UBR3: variants seen among roughly 807,000 people sequenced by gnomAD.
The protein encoded by UBR3 is E3 ubiquitin-protein ligase UBR3.
UBR3 carries 85 observed loss-of-function variants against 243.2 expected under a neutral mutation model. The ratio of observed to expected loss-of-function variants is 0.35; its 90% CI spans 0.29 to 0.42. The LOEUF (loss-of-function observed/expected upper bound fraction) is 0.42, where lower values mean the gene tolerates loss of function less well. Ranked by LOEUF, UBR3 falls within the 10% of genes least tolerant of loss-of-function variation. The pLI, the probability that UBR3 is intolerant of heterozygous loss-of-function variation, is 1.00. For synonymous variants in UBR3, 748 were observed against 799.8 expected, an observed-to-expected ratio of 0.94 and a Z score of 1.09; for missense variants, 1,686 against 2,300.8, an observed-to-expected ratio of 0.73 and a Z score of 5.47.
chr2:169,988,510 A>G (rs891813439), intron 25 of UBR3, among the ~76,000 whole-genome samples: 1 of 152,226 alleles, frequency 6.6e-6, no homozygotes, highest in Non-Finnish European at 1.5e-5. Flanking sequence ...GAAAAAAATA[A>G]GAAACTAATA....
intron 27 of UBR3, among the ~76,000 whole-genome samples, chr2:170,004,979 TTTG>T (rs2089858192): frequency 1.3e-5 from 2 of 152,142 alleles, no homozygotes; most frequent in Non-Finnish European, 2.9e-5. Context: ...ATCCCAGCAC[TTTG>T]GGAGGCCGAG....
chr2:169,976,023 T>A (rs1009752618), intron 24 of UBR3, among the ~76,000 whole-genome samples: 2 of 150,806 alleles, frequency 1.3e-5, no homozygotes, highest in South Asian at 2.1e-4. Context: ...TTGCTTGAAA[T>A]TTTTTTTTTA....
chr2:169,883,682 C>T (rs1275014700), intron 5 of UBR3, among the ~76,000 whole-genome samples: 1 of 152,108 alleles, frequency 6.6e-6, no homozygotes, highest in Non-Finnish European at 1.5e-5. Context: ...ATTTTAGTGG[C>T]ACTATCTCTT....
chr2:170,064,120 C>T (rs1024477028), intron 35 of UBR3, among the ~76,000 whole-genome samples: 3 of 152,280 alleles, frequency 2.0e-5, no homozygotes, highest in African/African-American at 7.2e-5. Context: ...TTCATATATT[C>T]ATATACTTAG....
At chr2:170,033,622 G>A (rs1417353471) in intron 31 of UBR3, among the ~76,000 whole-genome samples, 1 of 110,392 alleles carries the variant, frequency 9.1e-6, no homozygotes, top group Non-Finnish European at 1.7e-5. Context: ...TTTATGGTTC[G>A]TTTATTCATT....
At chr2:170,031,031 A>G (rs983068291) in intron 31 of UBR3, among the ~76,000 whole-genome samples, 1 of 151,852 alleles carries the variant, frequency 6.6e-6, no homozygotes, top group African/African-American at 2.4e-5. Context: ...CTGGCTTCAA[A>G]TGATCCTCCC....
At chr2:170,078,214 C>T in intron 36 of UBR3, 2 of 496,616 alleles carry the variant, frequency 4.0e-6, no homozygotes, top group Non-Finnish European at 7.6e-6. Context: ...CTCAACTTTC[C>T]TTCTTTCCCT....
At chr2:169,937,974 A>G (rs532456929) in intron 19 of UBR3, among the ~76,000 whole-genome samples, 4 of 152,292 alleles carry the variant, frequency 2.6e-5, no homozygotes, top group African/African-American at 9.6e-5. Context: ...TCTGAGTCAA[A>G]TACTTATATG....
intron 23 of UBR3, among the ~76,000 whole-genome samples, chr2:169,955,307 T>C (rs914239411): frequency 6.6e-6 from 1 of 152,200 alleles, no homozygotes; most frequent in Non-Finnish European, 1.5e-5. Flanking sequence ...TTATATTCAT[T>C]TATTTTTATC....
intron 5 of UBR3, among the ~76,000 whole-genome samples, chr2:169,886,135 C>T (rs1158229149): frequency 6.9e-5 from 10 of 143,918 alleles, no homozygotes; most frequent in African/African-American, 1.5e-4. Flanking sequence ...CCAGCCTGCG[C>T]GACAGAGTGA....
At chr2:169,931,977 GTAAGAAGACAAAT>G (rs2086149874) in intron 18 of UBR3, among the ~76,000 whole-genome samples, 1 of 152,016 alleles carries the variant, frequency 6.6e-6, no homozygotes, top group African/African-American at 2.4e-5. Context: ...TATGCAGAAG[GTAAGAAGACAAAT>G]TATCAGTTTT....
chr2:169,919,866 T>A (rs1035034799), intron 11 of UBR3, among the ~76,000 whole-genome samples: 5 of 152,156 alleles, frequency 3.3e-5, no homozygotes, highest in African/African-American at 9.7e-5. Flanking sequence ...TTGGTGGGAC[T>A]GTAAACTAGT....
At chr2:170,028,577 A>G (rs2090589814) in intron 30 of UBR3, among the ~76,000 whole-genome samples, 1 of 151,198 alleles carries the variant, frequency 6.6e-6, no homozygotes, top group African/African-American at 2.4e-5. Context: ...TTAAATTACT[A>G]TGTGTGGCAG....
rs12614978 is a variant in UBR3 at position 169,898,685 on chromosome 2, T to A, written c.1465+1950T>A. Among the ~76,000 whole-genome samples the A allele has an allele frequency of 8.1e-4, 122 of 150,666 alleles. 3 individuals carry two copies. The East Asian group carries it at 0.019, about 24-fold the overall frequency. On this transcript the variant is annotated intron_variant, in intron 8 of 38. Transcript: ENST00000272793. ...CTTCTTCACCTTTTTTTTTTTTTTT[T>A]AAAGATGGAGTTTCACTCTTTTTTT...
chr2:169,905,156 C>G lies in UBR3; in HGVS notation c.1508C>G (p.Ala503Gly). ...SLHVVVNCGE[A>G]LLKNNTYWPL... ...CATGTGGTAGTGAACTGTGGAGAAGCATTACTGAAGAATAACACTTACTGG... is the reference window on the plus strand; with the variant it reads ...CATGTGGTAGTGAACTGTGGAGAAGGATTACTGAAGAATAACACTTACTGG... Residue 503 changes from alanine to glycine, a missense_variant, in exon 9 of 39, where the codon GCA becomes GGA. Physicochemically the swap from Ala to Gly is moderately conservative, Grantham distance 60. Transcript: ENST00000272793. 1 of 1,538,852 alleles carries G rather than the reference C, an allele frequency of 6.5e-7. No homozygotes were observed. Among genetic ancestry groups the G allele is most frequent in the Non-Finnish European group, 8.8e-7 (1 of 1,141,480 alleles).
chr2:169,939,071 TA>T (rs1185007014), intron 19 of UBR3, among the ~76,000 whole-genome samples: 6 of 152,248 alleles, frequency 3.9e-5, no homozygotes, highest in East Asian at 3.9e-4. Flanking sequence ...ATTTAATGAT[TA>T]AAAAAATCTT....
At chr2:169,846,023 CTTA>C (rs145398551) in intron 1 of UBR3, among the ~76,000 whole-genome samples, 23,375 of 152,032 alleles carry the variant, frequency 0.15, 1,955 homozygotes, top group Admixed American at 0.22. Flanking sequence ...GAAAAAAGCG[CTTA>C]TTATTCTGTT....
chr2:169,887,914 T>A (rs1292218292), intron 5 of UBR3, among the ~76,000 whole-genome samples: 1 of 150,876 alleles, frequency 6.6e-6, no homozygotes, highest in African/African-American at 2.4e-5. Context: ...GTAGCTGGGA[T>A]CACAGGCATG....
intron 5 of UBR3, among the ~76,000 whole-genome samples, chr2:169,880,324 A>G (rs1307138011): frequency 6.6e-6 from 1 of 152,208 alleles, no homozygotes; most frequent in Admixed American, 6.5e-5. Context: ...GTAGGTTAGA[A>G]TTGTCATATT....
Sources: gnomAD v4.1 joint callset for allele counts (sites outside exome capture counted in the v4.1 genomes callset) on GRCh38, gnomAD v4.1.1 for gene constraint, MANE v1.5 for transcripts, NCBI Gene and HGNC (gene_info 2026-07-23, HGNC 2026-07-21) for gene names.